Variants in HTR2C observed in about 807,000 individuals in gnomAD.
HTR2C encodes 5-hydroxytryptamine (serotonin) receptor 2C, G protein-coupled.
HTR2C carries 5 observed loss-of-function variants against 21.0 expected under a neutral mutation model. That is an observed-to-expected ratio of 0.24 (90% CI 0.12 to 0.50). The LOEUF is 0.50. HTR2C is among the 20% of genes least tolerant of loss of function. The pLI is 0.98. For missense variants in HTR2C, 271 were observed against 371.2 expected (o/e 0.73, Z 2.22); for synonymous variants, 150 against 145.3 (o/e 1.03, Z -0.23).
At chrX:114,901,949 G>A (rs1187486512) in intron 5 of HTR2C, among the ~76,000 whole-genome samples, 1 of 111,173 alleles carries the variant, frequency 9.0e-6, no homozygotes, top group Admixed American at 9.6e-5. Context: ...TAAGCCCTCA[G>A]TAAAAGGTAG....
intron 1 of HTR2C, among the ~76,000 whole-genome samples, chrX:114,601,390 G>A (rs781978364): frequency 9.2e-6 from 1 of 109,217 alleles, no homozygotes; most frequent in South Asian, 4.1e-4. Flanking sequence ...GGGAGATGAG[G>A]GTGGGGCTGT....
Position 114,689,141 on chromosome X carries a change from T to C in HTR2C, c.-79-37717T>C, listed in dbSNP as rs181408390. Among the ~76,000 whole-genome samples, 586 of 104,846 alleles carry C rather than the reference T, an allele frequency of 5.6e-3. 7 individuals carry two copies. The highest frequency in any genetic ancestry group is 0.019 in the African/African-American group (552 of 28,668). 91.0% of individuals were successfully genotyped at this position (104,846 alleles called of 115,157 possible). A position where few individuals can be genotyped will look rare whatever the true frequency, so the allele number is the denominator to read the frequency against. ...TAGAATAATGGTCTCCAACTTCATCTAGGTTGCTGTGAATGCCATTATTTC... is the reference window on the plus strand; with the variant it reads ...TAGAATAATGGTCTCCAACTTCATCCAGGTTGCTGTGAATGCCATTATTTC... On this transcript the variant is annotated intron_variant, in intron 2 of 5. Coordinates refer to ENST00000276198, the MANE Select transcript of HTR2C (RefSeq NM_000868.4).
intron 2 of HTR2C, among the ~76,000 whole-genome samples, chrX:114,614,250 T>G (rs1928863057): frequency 9.1e-6 from 1 of 110,298 alleles, no homozygotes; most frequent in Non-Finnish European, 1.9e-5. Flanking sequence ...TTGTTTTTTT[T>G]TTGTTTTTTT....
chrX:114,864,375 C>A (rs2071029205), intron 5 of HTR2C, among the ~76,000 whole-genome samples: 1 of 111,380 alleles, frequency 9.0e-6, no homozygotes, highest in Non-Finnish European at 1.9e-5. Flanking sequence ...CTATTTTAAG[C>A]TAACAACTTA....
chrX:114,696,058 C>T (rs1932267574), intron 2 of HTR2C, among the ~76,000 whole-genome samples: 1 of 111,564 alleles, frequency 9.0e-6, no homozygotes, highest in African/African-American at 3.3e-5. Context: ...AAGTAGCATG[C>T]TTTCAATATA....
intron 4 of HTR2C, among the ~76,000 whole-genome samples, chrX:114,757,677 G>C (rs781889492): frequency 9.0e-6 from 1 of 111,364 alleles, no homozygotes; most frequent in Admixed American, 9.6e-5. Context: ...TTTTTTCCTC[G>C]TCTGCTTAAA....
chrX:114,885,576 T>G (rs1049631655), intron 5 of HTR2C, among the ~76,000 whole-genome samples: 4 of 112,115 alleles, frequency 3.6e-5, no homozygotes, highest in African/African-American at 1.3e-4. Flanking sequence ...ACTTTAATTT[T>G]AATTTTTAAT....
intron 4 of HTR2C, among the ~76,000 whole-genome samples, chrX:114,814,324 A>T (rs2070561946): frequency 9.0e-6 from 1 of 110,831 alleles, no homozygotes; most frequent in African/African-American, 3.3e-5. Context: ...ACAAGTCATC[A>T]CCAATGTTGT....
At chrX:114,720,340 G>A (rs1018232458) in intron 2 of HTR2C, among the ~76,000 whole-genome samples, 26 of 110,416 alleles carry the variant, frequency 2.4e-4, no homozygotes, top group Non-Finnish European at 4.0e-4. Context: ...GATGAAGAAG[G>A]GAGAAAATAT....
At chrX:114,604,796 T>C (rs1194569698) in intron 1 of HTR2C, among the ~76,000 whole-genome samples, 52 of 111,289 alleles carry the variant, frequency 4.7e-4, no homozygotes, top group South Asian at 4.2e-3. Flanking sequence ...TCTGGAGGAA[T>C]GCCTGGCCGC....
intron 2 of HTR2C, among the ~76,000 whole-genome samples, chrX:114,712,328 A>G (rs891771477): frequency 1.5e-4 from 17 of 111,950 alleles, no homozygotes; most frequent in African/African-American, 5.5e-4. Context: ...GATTTGCACC[A>G]AATACACTGT....
chrX:114,875,539 A>G (rs1602903563), intron 5 of HTR2C, among the ~76,000 whole-genome samples: 1 of 110,836 alleles, frequency 9.0e-6, no homozygotes, highest in African/African-American at 3.3e-5. Flanking sequence ...TTACAGTTTC[A>G]GTTTTTACAT....
chrX:114,606,538 T>C (rs1458812206), intron 1 of HTR2C, among the ~76,000 whole-genome samples: 4 of 110,206 alleles, frequency 3.6e-5, no homozygotes, highest in Non-Finnish European at 7.6e-5. Context: ...TCCCAGAAAA[T>C]GAAAGGAATT....
At chrX:114,726,108 C>A (rs1556421888) in intron 2 of HTR2C, among the ~76,000 whole-genome samples, 1 of 112,270 alleles carries the variant, frequency 8.9e-6, no homozygotes, top group South Asian at 3.7e-4. Flanking sequence ...GCGCCCCTCC[C>A]CCAGCCTCAC....
chrX:114,791,443 C>T (rs1423331472), intron 4 of HTR2C, among the ~76,000 whole-genome samples: 5 of 111,603 alleles, frequency 4.5e-5, no homozygotes, highest in Non-Finnish European at 9.4e-5. Flanking sequence ...TAATCCATTG[C>T]ATTGGTATGA....
rs1271102867 is a variant in HTR2C at position 114,749,477 on chromosome X, GA to G, written c.349+17881del. 8.5e-3 allele frequency among the ~76,000 whole-genome samples: 517 copies of G among 61,064 alleles called. 5 individuals are homozygous for G. The highest frequency in any genetic ancestry group is 0.024 in the African/African-American group (400 of 16,354). 53.0% of individuals were successfully genotyped at this position (61,064 alleles called of 115,157 possible). A position where few individuals can be genotyped will look rare whatever the true frequency, so the allele number is the denominator to read the frequency against. ...TCAAAAAAAAAAAAAAAAAAAAAAA[GA>G]AAAAAAAAAACAGTACTTAGGAGTC... is the stretch of plus-strand genomic sequence containing the variant. On this transcript the variant is annotated intron_variant, in intron 4 of 5. Coordinates refer to ENST00000276198, the MANE Select transcript of HTR2C (RefSeq NM_000868.4).
chrX:114,658,318 C>A (rs1569481990), intron 2 of HTR2C, among the ~76,000 whole-genome samples: 1 of 111,121 alleles, frequency 9.0e-6, no homozygotes, highest in African/African-American at 3.3e-5. Context: ...ATGACTGATA[C>A]AATTAATTAA....
At chrX:114,654,792 T>C (rs782745466) in intron 2 of HTR2C, among the ~76,000 whole-genome samples, 2 of 110,530 alleles carry the variant, frequency 1.8e-5, no homozygotes, top group South Asian at 7.5e-4. Flanking sequence ...ATGAAAGTTC[T>C]CCGAACCCAG....
At chrX:114,601,878 T>A (rs1928115412) in intron 1 of HTR2C, among the ~76,000 whole-genome samples, 1 of 92,803 alleles carries the variant, frequency 1.1e-5, no homozygotes. Context: ...GAACCTAGAG[T>A]GGGAGGGATT....
Sources: gnomAD v4.1 joint callset for allele counts (sites outside exome capture counted in the v4.1 genomes callset) on GRCh38, gnomAD v4.1.1 for gene constraint, MANE v1.5 for transcripts, NCBI Gene and HGNC (gene_info 2026-07-23, HGNC 2026-07-21) for gene names.